Variants in ADGRV1 observed in about 807,000 individuals in gnomAD.
ADGRV1 encodes the protein adhesion G protein-coupled receptor V1, also known as G-protein coupled receptor 98.
Under a neutral mutation model 596.2 loss-of-function variants are expected in ADGRV1, and 359 were observed. The observed-to-expected ratio is 0.60, with a 90% CI of 0.55 to 0.66. The LOEUF is 0.66. Ranked by LOEUF, ADGRV1 falls within the 30% of genes least tolerant of loss-of-function variation. The pLI, the probability that ADGRV1 is intolerant of heterozygous loss-of-function variation, is 0.00. For synonymous variants in ADGRV1, 2,681 were observed against 2,679.2 expected, an observed-to-expected ratio of 1.00 and a Z score of -0.02; for missense variants, 7,274 against 7,575.6, an observed-to-expected ratio of 0.96 and a Z score of 1.48.
At chr5:90,586,504 T>G (rs2151985503) in intron 1 of ADGRV1, among the ~76,000 whole-genome samples, 1 of 152,354 alleles carries the variant, frequency 6.6e-6, no homozygotes, top group Non-Finnish European at 1.5e-5. Context: ...TGTGGCAATT[T>G]GTCCCATAGA....
intron 87 of ADGRV1, among the ~76,000 whole-genome samples, chr5:91,112,669 G>A (rs1167878467): frequency 6.6e-6 from 1 of 151,934 alleles, no homozygotes; most frequent in Non-Finnish European, 1.5e-5. Context: ...TCAAATGTTG[G>A]GGTGGGGAGA....
At chr5:91,150,939 T>C (rs1306756506) in intron 88 of ADGRV1, among the ~76,000 whole-genome samples, 1 of 152,214 alleles carries the variant, frequency 6.6e-6, no homozygotes, top group Non-Finnish European at 1.5e-5. Flanking sequence ...CTGAATTCCT[T>C]TGGCCAGGAG....
Position 90,694,382 on chromosome 5 carries a change from C to G in ADGRV1, c.7626C>G (p.Leu2542=). 1 of 1,613,946 alleles carries G rather than the reference C, an allele frequency of 6.2e-7. No homozygotes were observed. The highest frequency in any genetic ancestry group is 8.5e-7 in the Non-Finnish European group (1 of 1,179,872). Residue 2542 remains leucine, a synonymous_variant, in exon 33 of 90, where the codon CTC becomes CTG. Transcript: ENST00000405460. ...PEMDESFLIS[L]LEVHLMNISA... ...TGGATGAGAGTTTTCTAATTTCTCT[C>G]CTTGAAGTTCACCTCATGAACATTT...
rs759707174 is a variant in ADGRV1, at chr5:90,690,998, T to G, written c.6908T>G (p.Leu2303Trp). The change falls in exon 31 of 90, where the codon TTG becomes TGG. Residue 2303 changes from leucine (L) to tryptophan (W), a missense_variant. Physicochemically the swap from Leu to Trp is moderately conservative, Grantham distance 61. This residue lies in a region of ADGRV1 where 3,643 missense variants were observed against 3,809.2 expected (regional missense o/e 0.96). Coordinates refer to ENST00000405460, the MANE Select transcript of ADGRV1 (RefSeq NM_032119.4). The stretch of plus-strand genomic sequence containing the variant: ...GCCCCTGGGGAAACCATTCAAACCT[T>G]GTTGTTAGAGGTCCTGGCTGACGAC... ...TFAPGETIQT[L>W]LLEVLADDVP... 1 of 1,613,560 alleles carries G rather than the reference T, an allele frequency of 6.2e-7. No homozygotes were observed. Among genetic ancestry groups the G allele is most frequent in the Non-Finnish European group, 8.5e-7 (1 of 1,179,726 alleles).
chr5:90,733,554 CT>C (rs1469892539), intron 50 of ADGRV1, among the ~76,000 whole-genome samples: 4 of 152,120 alleles, frequency 2.6e-5, no homozygotes, highest in Admixed American at 2.6e-4. Context: ...CCAACTACTG[CT>C]TTCTTTATCA....
intron 50 of ADGRV1, among the ~76,000 whole-genome samples, chr5:90,738,250 T>A (rs1353156680): frequency 6.6e-6 from 1 of 151,930 alleles, no homozygotes; most frequent in Admixed American, 6.6e-5. Context: ...GATCTCAGAA[T>A]TTTTTTTGTA....
chr5:90,657,699 C>T (rs1394427058), intron 20 of ADGRV1, among the ~76,000 whole-genome samples: 4 of 151,988 alleles, frequency 2.6e-5, no homozygotes, highest in African/African-American at 9.7e-5. Context: ...TCTTTTAGTA[C>T]AAAATATAAA....
At chr5:91,136,777 T>G (rs771787771) in intron 87 of ADGRV1, among the ~76,000 whole-genome samples, 6 of 152,190 alleles carry the variant, frequency 3.9e-5, no homozygotes, top group Non-Finnish European at 7.3e-5. Context: ...GAGCTGAGAT[T>G]CATTCCAAGA....
In ADGRV1 at chr5:90,778,014, G is replaced by A. The variant is rs397517421; in HGVS notation, c.12637G>A (p.Glu4213Lys). 26 of 1,585,652 alleles carry A rather than the reference G, an allele frequency of 1.6e-5. No homozygotes were observed. Among genetic ancestry groups the A allele is most frequent in the Non-Finnish European group, 2.1e-5 (24 of 1,164,400 alleles). The change falls in exon 62 of 90, where the codon GAA becomes AAA. Residue 4213 changes from glutamate (E) to lysine (K), a missense_variant. By Grantham distance (56) the Glu-to-Lys change is moderately conservative (BLOSUM62 1). This residue lies in a region of ADGRV1 where 3,643 missense variants were observed against 3,809.2 expected (regional missense o/e 0.96). Transcript: ENST00000405460. ...ETSGKLTMRD[E>K]QSAVIVVIQA... is the part of the protein sequence containing the mutation. The stretch of plus-strand genomic sequence containing the variant: ...ATCAGGAAAACTGACAATGCGAGAC[G>A]AACAGTCTGCAGTCATTGTAGTAAT...
At chr5:90,763,103 A>G (rs1405276191) in intron 58 of ADGRV1, 1 of 475,142 alleles carries the variant, frequency 2.1e-6, no homozygotes, top group Non-Finnish European at 3.8e-6. Flanking sequence ...TTGCAAGAGA[A>G]GACAGGAAAT....
intron 75 of ADGRV1, among the ~76,000 whole-genome samples, chr5:90,820,466 T>G (rs1483344972): frequency 6.6e-6 from 1 of 151,944 alleles, no homozygotes; most frequent in African/African-American, 2.4e-5. Flanking sequence ...ATTATGATGT[T>G]AGGGGTGATT....
In ADGRV1 at chr5:90,807,614, T is replaced by C. The variant is rs779289379; in HGVS notation, c.14849T>C (p.Phe4950Ser). 6.2e-7 allele frequency: 1 copy of C among 1,611,874 alleles called. No individual in the cohort carries two copies. Among genetic ancestry groups the C allele is most frequent in the South Asian group, 1.1e-5 (1 of 90,712 alleles). Reference protein sequence around the residue: ...NMTPTLGSLSFSHGEQRKGVF... With the variant: ...NMTPTLGSLSSSHGEQRKGVF... The stretch of plus-strand genomic sequence containing the variant: ...TGTTTTCTTTCAGGGAGCCTTTCAT[T>C]TTCCCACGGTGAACAAAGGAAAGGA... Residue 4950 changes from phenylalanine to serine, a missense_variant, in exon 73 of 90, where the codon TTT (phenylalanine) becomes TCT (serine). Transcript: ENST00000405460.
intron 85 of ADGRV1, among the ~76,000 whole-genome samples, chr5:91,045,231 A>C (rs1316286446): frequency 6.6e-6 from 1 of 152,184 alleles, no homozygotes; most frequent in African/African-American, 2.4e-5. Flanking sequence ...AAAGGACATA[A>C]CCAAAAAAGA....
Position 91,060,776 on chromosome 5 carries a change from G to C in ADGRV1, c.18153-11671G>C, listed in dbSNP as rs1336281922. ...GTTCACCCCTGCAGGGGATGCTCTAGAAGTTTTTTCTTGGAGCATTTGTAA... is the reference window on the plus strand; with the variant it reads ...GTTCACCCCTGCAGGGGATGCTCTACAAGTTTTTTCTTGGAGCATTTGTAA... On this transcript the variant is annotated intron_variant, in intron 85 of 89. Coordinates refer to ENST00000405460, the MANE Select transcript of ADGRV1 (RefSeq NM_032119.4). 5.3e-5 allele frequency among the ~76,000 whole-genome samples: 8 copies of C among 152,250 alleles called. No homozygotes were observed. In the East Asian group the frequency reaches 1.5e-3, roughly 29 times the overall value.
At chr5:91,098,704 G>A (rs142931707) in intron 86 of ADGRV1, among the ~76,000 whole-genome samples, 1 of 151,302 alleles carries the variant, frequency 6.6e-6, no homozygotes, top group Admixed American at 6.6e-5. Flanking sequence ...TATAAGCCAT[G>A]GACATTCTCA....
chr5:90,595,340 T>A (rs1760214873), intron 1 of ADGRV1, among the ~76,000 whole-genome samples: 1 of 60,354 alleles, frequency 1.7e-5, no homozygotes, highest in African/African-American at 8.2e-5. Flanking sequence ...GGCGGGGGGC[T>A]GACCCCCCCA....
intron 86 of ADGRV1, among the ~76,000 whole-genome samples, chr5:91,074,485 G>T (rs1015974876): frequency 1.3e-5 from 2 of 152,296 alleles, no homozygotes; most frequent in South Asian, 4.2e-4. Context: ...CTCCATCTGT[G>T]TTGCTGCAAA....
intron 76 of ADGRV1, among the ~76,000 whole-genome samples, chr5:90,828,084 G>A (rs945014773): frequency 6.6e-6 from 1 of 152,082 alleles, no homozygotes; most frequent in African/African-American, 2.4e-5. Flanking sequence ...GTAAAAACAG[G>A]TGATTGCCAA....
chr5:91,031,906 G>T (rs894834510), intron 85 of ADGRV1, among the ~76,000 whole-genome samples: 21 of 152,142 alleles, frequency 1.4e-4, no homozygotes, highest in African/African-American at 4.1e-4. Flanking sequence ...TTATGAGGCA[G>T]AGATAAGTTG....
Sources: gnomAD v4.1 joint callset for allele counts (sites outside exome capture counted in the v4.1 genomes callset) on GRCh38, gnomAD v4.1.1 for gene constraint, gnomAD v4.1.1 regional missense constraint, MANE v1.5 for transcripts, NCBI Gene and HGNC (gene_info 2026-07-23, HGNC 2026-07-21) for gene names.